Variants in WDHD1 observed in about 807,000 individuals in gnomAD.
WDHD1 encodes WD repeat and HMG-box DNA binding protein 1.
A neutral mutation model predicts 135.4 loss-of-function variants in WDHD1; 111 were observed. That is an observed-to-expected ratio of 0.82 (90% CI 0.70 to 0.96). The LOEUF is 0.96. Ranked by LOEUF, WDHD1 falls within the 40% of genes least tolerant of loss-of-function variation. The pLI, the probability that WDHD1 is intolerant of heterozygous loss-of-function variation, is 0.00. For synonymous variants in WDHD1, 434 were observed against 439.0 expected, an observed-to-expected ratio of 0.99 and a Z score of 0.14; for missense variants, 1,351 against 1,336.3, an observed-to-expected ratio of 1.01 and a Z score of -0.17.
rs1260737679 is a variant in WDHD1, at chr14:55,008,343, A to G, written c.477T>C (p.Ser159=). Reference sequence around the variant, plus strand: ...GATCTGAAATTTGCCACACTCTGACAGATCCATCACAACTAGCTGATGCCT... The same window carrying G: ...GATCTGAAATTTGCCACACTCTGACGGATCCATCACAACTAGCTGATGCCT... ...IFLASASCDG[S]VRVWQISDQT... The change falls in exon 6 of 26, where the codon TCT becomes TCC. Residue 159 remains serine (S), a synonymous_variant. Coordinates refer to ENST00000360586, the MANE Select transcript of WDHD1 (RefSeq NM_007086.4). 1 of 1,613,584 alleles carries G rather than the reference A, an allele frequency of 6.2e-7. No homozygotes were observed. Among genetic ancestry groups the G allele is most frequent in the African/African-American group, 1.3e-5 (1 of 74,926 alleles).
chr14:54,957,869 C>A (rs2041185841), intron 21 of WDHD1, among the ~76,000 whole-genome samples: 1 of 152,156 alleles, frequency 6.6e-6, no homozygotes, highest in South Asian at 2.1e-4. Context: ...ATGTACAGAT[C>A]TTTTATCTTC....
intron 7 of WDHD1, chr14:55,005,157 G>A (rs931602128): frequency 3.7e-6 from 2 of 536,936 alleles, no homozygotes; most frequent in Admixed American, 2.0e-5. Flanking sequence ...TCCTGGATCG[G>A]CATCCACCAC....
chr14:55,009,007 G>A (rs965344296), intron 4 of WDHD1, among the ~76,000 whole-genome samples: 1 of 152,122 alleles, frequency 6.6e-6, no homozygotes, highest in Non-Finnish European at 1.5e-5. Flanking sequence ...ATGTTGGTCA[G>A]GCTGGTCTTG....
intron 18 of WDHD1, 72 bp downstream of exon 18, chr14:54,966,403 C>T: frequency 6.6e-7 from 1 of 1,513,492 alleles, no homozygotes; most frequent in Non-Finnish European, 8.8e-7. Flanking sequence ...TCCTAATGCA[C>T]AGACCTTTAA....
Position 54,981,633 on chromosome 14 carries a change from G to A in WDHD1, c.1970C>T (p.Thr657Met), listed in dbSNP as rs772366370. Residue 657 changes from threonine to methionine, a missense_variant, in exon 16 of 26, where the codon ACG (threonine) becomes ATG (methionine). Coordinates refer to ENST00000360586, the MANE Select transcript of WDHD1 (RefSeq NM_007086.4). Reference protein sequence around the residue: ...VRMLNRGLGNTWTPICNTREH... With the variant: ...VRMLNRGLGNMWTPICNTREH... The stretch of plus-strand genomic sequence containing the variant: ...TCTTGTATTACATATAGGAGTCCAC[G>A]TATTACCAAGTCCTCTGTTAAGCAT... 38 of 1,610,624 alleles carry A rather than the reference G, an allele frequency of 2.4e-5. No individual in the cohort carries two copies. Among genetic ancestry groups the A allele is most frequent in the South Asian group, 1.5e-4 (14 of 90,964 alleles).
At position 55,012,825 on chromosome 14, in the gene WDHD1, C is replaced by T. The variant is rs1361798881; in HGVS notation, c.189+660G>A. Among the ~76,000 whole-genome samples, 26 of 152,028 alleles carry T rather than the reference C, an allele frequency of 1.7e-4. 2 individuals carry two copies. Among genetic ancestry groups the T allele is most frequent in the Admixed American group, 1.7e-3 (26 of 15,268 alleles). On this transcript the variant is annotated intron_variant, in intron 3 of 25. Coordinates refer to ENST00000360586, the MANE Select transcript of WDHD1 (RefSeq NM_007086.4). ...ATCAATCCAATCATGAGGCCAGAGC[C>T]CTCATGGTCTCATTACTTCTCAGTA...
chr14:54,992,457 T>C (rs1159839618), intron 11 of WDHD1, among the ~76,000 whole-genome samples: 1 of 152,192 alleles, frequency 6.6e-6, no homozygotes, highest in Non-Finnish European at 1.5e-5. Flanking sequence ...GCCACTGCAC[T>C]CTAGGCTGGG....
Position 54,957,222 on chromosome 14 carries a change from G to A in WDHD1, c.2746-18C>T. The A allele has an allele frequency of 6.3e-7, 1 of 1,596,228 alleles. No homozygotes were observed. The highest frequency in any genetic ancestry group is 8.5e-7 in the Non-Finnish European group (1 of 1,171,306). On this transcript the variant is annotated intron_variant, in intron 22 of 25. Transcript: ENST00000360586. ...GCTGATACCTAAAGAGCAAACTAGT[G>A]TTAGCACTGTATGTTTAAAGAAGAA...
chr14:55,012,100 T>G (rs2042180243), intron 3 of WDHD1, among the ~76,000 whole-genome samples: 1 of 152,182 alleles, frequency 6.6e-6, no homozygotes, highest in East Asian at 1.9e-4. Context: ...TTTTTCATCC[T>G]TGCCAATCTT....
chr14:54,944,260 A>C (rs1456187670), intron 25 of WDHD1, 72 bp downstream of exon 25: 6 of 1,582,260 alleles, frequency 3.8e-6, no homozygotes, highest in Non-Finnish European at 5.1e-6. Context: ...ACCCAGCCAA[A>C]AGGCATTTCT....
rs138036839 is a variant in WDHD1, at chr14:54,962,975, A to ATCT, written c.2505_2507dup (p.Glu835dup). ...ACCCAGCATTCAGCTTTTTTCTGAA[A>ATCT]TCTTCTTCTTCTTCTTCCTCTTCCA... On this transcript the variant is annotated inframe_insertion, in exon 19 of 26. Transcript: ENST00000360586. 4.3e-5 allele frequency: 70 copies of ATCT among 1,613,602 alleles called. No homozygotes were observed. The highest frequency in any genetic ancestry group is 1.6e-4 in the East Asian group (7 of 44,858).
intron 24 of WDHD1, among the ~76,000 whole-genome samples, chr14:54,945,623 C>T (rs575082187): frequency 6.6e-6 from 1 of 152,304 alleles, no homozygotes; most frequent in East Asian, 1.9e-4. Flanking sequence ...TTACTGCAAC[C>T]TCCACCTTCC....
chr14:55,011,665 ATG>A (rs1406483500), intron 3 of WDHD1, among the ~76,000 whole-genome samples: 1 of 151,106 alleles, frequency 6.6e-6, no homozygotes, highest in Admixed American at 6.6e-5. Flanking sequence ...GTATATATAT[ATG>A]TATTTATTTA....
At chr14:54,981,052 A>G (rs1289007348) in intron 16 of WDHD1, among the ~76,000 whole-genome samples, 1 of 152,172 alleles carries the variant, frequency 6.6e-6, no homozygotes, top group Non-Finnish European at 1.5e-5. Context: ...CGGAGCTTGC[A>G]GTGAGCTGAG....
chr14:54,981,863 AAAGT>A (rs942152088), intron 15 of WDHD1, among the ~76,000 whole-genome samples, 167 bp from the exon 16 acceptor site: 2 of 152,158 alleles, frequency 1.3e-5, no homozygotes, highest in African/African-American at 2.4e-5. Context: ...TTAACCATAT[AAAGT>A]AAGACCTAAC....
At chr14:54,991,567 G>T (rs749066240) in intron 11 of WDHD1, among the ~76,000 whole-genome samples, 167 bp from the exon 12 acceptor site, 2 of 152,200 alleles carry the variant, frequency 1.3e-5, no homozygotes, top group Admixed American at 6.5e-5. Context: ...AAAAGCAATG[G>T]TGGGTAAAAT....
At chr14:54,984,904 C>T in intron 14 of WDHD1, 44 bp from the exon 15 acceptor site, 1 of 1,597,800 alleles carries the variant, frequency 6.3e-7, no homozygotes, top group South Asian at 1.1e-5. Context: ...AAAGGTTATC[C>T]AACTATAACG....
Position 55,013,483 on chromosome 14 carries a change from A to G in WDHD1, c.189+2T>C, listed in dbSNP as rs767659600. Reference sequence around the variant, plus strand: ...ATCAATTGATATAACTGTTTTTACTACCTTCAAAGCACATGAATATGCCTT... The same window carrying G: ...ATCAATTGATATAACTGTTTTTACTGCCTTCAAAGCACATGAATATGCCTT... On this transcript the variant is annotated splice_donor_variant, in intron 3 of 25. Transcript: ENST00000360586. LOFTEE classifies it high-confidence loss of function. The G allele has an allele frequency of 1.6e-5, 26 of 1,603,844 alleles. No homozygotes were observed. Among genetic ancestry groups the G allele is most frequent in the Non-Finnish European group, 2.1e-5 (25 of 1,170,738 alleles).
At chr14:54,949,465 A>T (rs564696048) in intron 24 of WDHD1, among the ~76,000 whole-genome samples, 21 of 152,340 alleles carry the variant, frequency 1.4e-4, no homozygotes, top group Non-Finnish European at 2.1e-4. Flanking sequence ...AAGAGTAAAA[A>T]GAAACAAACA....
Sources: allele counts gnomAD v4.1 joint callset (sites outside exome capture counted in the v4.1 genomes callset), GRCh38; gene constraint gnomAD v4.1.1; transcripts MANE v1.5; gene names NCBI Gene and HGNC (gene_info 2026-07-23, HGNC 2026-07-21).